The following YPEL4 variants were observed in gnomAD, a reference collection of about 807,000 sequenced individuals.
The protein encoded by YPEL4 is yippee like 4.
A neutral mutation model predicts 16.3 loss-of-function variants in YPEL4; 5 were observed. The observed-to-expected ratio is 0.31, with a 90% CI of 0.16 to 0.64. The LOEUF (loss-of-function observed/expected upper bound fraction) is 0.64. Ranked by LOEUF, YPEL4 falls within the 30% of genes least tolerant of loss-of-function variation. The probability of loss-of-function intolerance (pLI) is 0.79; values close to 1 mark genes in which losing one functional copy is unlikely to be tolerated. For missense variants in YPEL4, 127 were observed against 170.0 expected (o/e 0.75, Z 1.41); for synonymous variants, 61 against 60.7 (o/e 1.00, Z -0.02).
rs965376473 is a variant in YPEL4, at chr11:57,646,970, G to A, written c.138C>T (p.Ser46=). 6.3e-7 allele frequency: 1 copy of A among 1,576,176 alleles called. No homozygotes were observed. Among genetic ancestry groups the A allele is most frequent in the South Asian group, 1.1e-5 (1 of 87,134 alleles). ...GGCAGGTCCCCGCTTCGCGTACCTT[G>A]GAAATAAGCTCATCGTGTTTGGCCA... is the stretch of plus-strand genomic sequence containing the variant. ...AHLAKHDELI[S]KSFQGSHGRA... Residue 46 remains serine, a synonymous_variant, in exon 2 of 5, where the codon TCC becomes TCT. Coordinates refer to ENST00000300022, the MANE Select transcript of YPEL4 (RefSeq NM_145008.3).
rs1945742360 is a variant in YPEL4, at chr11:57,647,181, G to A, written c.-74C>T. The A allele has an allele frequency of 5.4e-6, 8 of 1,474,462 alleles. No homozygotes were observed. The South Asian group carries it at 9.7e-5, about 18-fold the overall frequency. 91.3% of individuals were successfully genotyped at this position (1,474,462 alleles called of 1,614,324 possible). A position where few individuals can be genotyped will look rare whatever the true frequency, so the allele number is the denominator to read the frequency against. ...GCAGCCCCCGCAGAGACGGTCGCAG[G>A]TGAAGCAGCGGAGCAGGTTGGCTAG... On this transcript the variant is annotated 5_prime_UTR_variant, in exon 2 of 5. Transcript: ENST00000300022. The surrounding 1 kb of genome is among the most constrained non-coding windows in gnomAD (Gnocchi z 4.2).
At chr11:57,646,237 TGCTTGAA>T in intron 4 of YPEL4, 53 bp downstream of exon 4, 1 of 1,594,048 alleles carries the variant, frequency 6.3e-7, no homozygotes, top group Non-Finnish European at 8.6e-7. Context: ...TGGTCACTGG[TGCTTGAA>T]GGGCCATGGG....
chr11:57,647,254 GCC>G lies in YPEL4; in HGVS notation c.-149_-148del. On this transcript the variant is annotated 5_prime_UTR_variant, in exon 2 of 5. Coordinates refer to ENST00000300022, the MANE Select transcript of YPEL4 (RefSeq NM_145008.3). The surrounding 1 kb of genome is among the most constrained non-coding windows in gnomAD (Gnocchi z 4.2). ...AGTGTTGGGGGGCTGCCCGGCCAGG[GCC>G]CCCCCAGACGAGAACCAGATAGAAA... The G allele has an allele frequency of 8.9e-7, 1 of 1,126,542 alleles. No individual in the cohort carries two copies. The highest frequency in any genetic ancestry group is 1.2e-6 in the Non-Finnish European group (1 of 828,780). The allele number at this position is 1,126,542 out of a possible 1,614,324, so 69.8% of individuals were successfully genotyped here. A position where few individuals can be genotyped will look rare whatever the true frequency, so the allele number is the denominator to read the frequency against.
Position 57,647,436 on chromosome 11 carries a change from GCCCTGTCCCCTGGAT to G in YPEL4, c.-184-160_-184-146del. On this transcript the variant is annotated intron_variant, in intron 1 of 4. Transcript: ENST00000300022. The surrounding 1 kb of genome is among the most constrained non-coding windows in gnomAD (Gnocchi z 4.2). ...CCCCACAGCATCCAGTTGCATTGTC[GCCCTGTCCCCTGGAT>G]CCCCATTCTGCTCTGGCAAACCTGG... The G allele has an allele frequency of 4.7e-6, 1 of 213,630 alleles. No individual in the cohort carries two copies. Among genetic ancestry groups the G allele is most frequent in the Non-Finnish European group, 9.2e-6 (1 of 108,496 alleles). 13.2% of individuals were successfully genotyped at this position (213,630 alleles called of 1,614,324 possible). A position where few individuals can be genotyped will look rare whatever the true frequency, so the allele number is the denominator to read the frequency against.
intron 3 of YPEL4, 122 bp from the exon 4 acceptor site, chr11:57,646,527 AC>A: frequency 7.9e-7 from 1 of 1,263,386 alleles, no homozygotes; most frequent in South Asian, 1.3e-5. Flanking sequence ...TTGATAATCC[AC>A]CCCTTTAAGA....
rs1945718672 is a variant in YPEL4 at position 57,645,384 on chromosome 11, A to G, written c.*597T>C. 3 of 153,450 alleles carry G rather than the reference A, an allele frequency of 2.0e-5. No homozygotes were observed. The highest frequency in any genetic ancestry group is 1.3e-4 in the Admixed American group (2 of 15,408). 9.5% of individuals were successfully genotyped at this position (153,450 alleles called of 1,614,324 possible). A position where few individuals can be genotyped will look rare whatever the true frequency, so the allele number is the denominator to read the frequency against. On this transcript the variant is annotated 3_prime_UTR_variant, in exon 5 of 5. Coordinates refer to ENST00000300022, the MANE Select transcript of YPEL4 (RefSeq NM_145008.3). ...CTCTTCAGTGCCAAGATAAACTAAC[A>G]AGTGGAGTGAAATGGAAAACCCTTT...
Position 57,645,183 on chromosome 11 carries a change from G to A in YPEL4, c.*798C>T, listed in dbSNP as rs999064734. On this transcript the variant is annotated 3_prime_UTR_variant, in exon 5 of 5. Transcript: ENST00000300022. ...CTGGTGGCAGCCACGGGAAAGACTG[G>A]CCCCGTAGCACTGATTTTCCACCTC... 1 of 152,162 alleles carries A rather than the reference G, an allele frequency of 6.6e-6. No homozygotes were observed. The highest frequency in any genetic ancestry group is 1.5e-5 in the Non-Finnish European group (1 of 68,026). The allele number at this position is 152,162 out of a possible 1,614,324, so 9.4% of individuals were successfully genotyped here.
rs1349188512 is a variant in YPEL4 at position 57,645,742 on chromosome 11, TC to T, written c.*238del. On this transcript the variant is annotated 3_prime_UTR_variant, in exon 5 of 5. Transcript: ENST00000300022. ...ACAGAAAGACCCACAACCATCCCTT[TC>T]CCCCAGTTCTGTCTCTCCCTGACTG... 4 of 529,292 alleles carry T rather than the reference TC, an allele frequency of 7.6e-6. No individual in the cohort carries two copies. The highest frequency in any genetic ancestry group is 2.7e-5 in the South Asian group (1 of 37,550). The allele number at this position is 529,292 out of a possible 1,614,324, so 32.8% of individuals were successfully genotyped here.
Position 57,645,674 on chromosome 11 carries a change from G to C in YPEL4, c.*307C>G. 1 of 371,650 alleles carries C rather than the reference G, an allele frequency of 2.7e-6. No individual in the cohort carries two copies. The highest frequency in any genetic ancestry group is 4.8e-5 in the South Asian group (1 of 20,896). 23.0% of individuals were successfully genotyped at this position (371,650 alleles called of 1,614,324 possible). ...ATTCCTCCCACAATCCTCTCTGCCT[G>C]AGTCTATGCCCTGCCATCGCTTCCA... On this transcript the variant is annotated 3_prime_UTR_variant, in exon 5 of 5. Coordinates refer to ENST00000300022, the MANE Select transcript of YPEL4 (RefSeq NM_145008.3).
Position 57,646,021 on chromosome 11 carries a change from A to G in YPEL4, c.344T>C (p.Ile115Thr). Residue 115 changes from isoleucine to threonine, a missense_variant, in exon 5 of 5, where the codon ATT (isoleucine) becomes ACT (threonine). Physicochemically the swap from Ile to Thr is moderately conservative, Grantham distance 89 (BLOSUM62 -1). Transcript: ENST00000300022. ...GTCCTTCACCATGTGTGACATTTCA[A>G]TGATGTATTTCCCTTCCTTGTACTT... ...SQKYKEGKYI[I>T]EMSHMVKDNG... The G allele has an allele frequency of 1.2e-6, 2 of 1,614,154 alleles. No homozygotes were observed. Among genetic ancestry groups the G allele is most frequent in the Non-Finnish European group, 1.7e-6 (2 of 1,180,030 alleles).
At chr11:57,646,826 A>G in intron 2 of YPEL4, 32 bp from the exon 3 acceptor site, 3 of 1,613,250 alleles carry the variant, frequency 1.9e-6, no homozygotes, top group Non-Finnish European at 2.5e-6. Flanking sequence ...AATGACTACC[A>G]AGCAGCCTTC....
At position 57,646,004 on chromosome 11, in the gene YPEL4, C is replaced by G. The variant is rs749020099; in HGVS notation, c.361G>C (p.Val121Leu). The change falls in exon 5 of 5, where the codon GTG (valine) becomes CTG (leucine). Residue 121 changes from valine to leucine, a missense_variant. Val to Leu is a conservative substitution (Grantham distance 32). Transcript: ENST00000300022. ...CCTCAGTCCCAGCCGTTGTCCTTCA[C>G]CATGTGTGACATTTCAATGATGTAT... ...GKYIIEMSHM[V>L]KDNGWD 6.2e-7 allele frequency: 1 copy of G among 1,614,158 alleles called. No homozygotes were observed. The highest frequency in any genetic ancestry group is 1.1e-5 in the South Asian group (1 of 91,080).
At chr11:57,649,027 G>C (rs1156629752) in intron 1 of YPEL4, 1 of 152,242 alleles carries the variant, frequency 6.6e-6, no homozygotes, top group African/African-American at 2.4e-5. Context: ...TGCACAGAAG[G>C]CCAGAGAATC....
In YPEL4 at chr11:57,647,036, G is replaced by A; in HGVS notation, c.72C>T (p.Arg24=). ...GGACACAGCTGTAAGTGCGGTGACA[G>A]CGGGGCAGATAGCTGCGGAAAGTCT... The part of the protein sequence containing the change: ...PTKTFRSYLP[R]CHRTYSCVHC... Residue 24 remains arginine, a synonymous_variant, in exon 2 of 5, where the codon CGC becomes CGT. Coordinates refer to ENST00000300022, the MANE Select transcript of YPEL4 (RefSeq NM_145008.3). This position sits in a 1 kb window ranked among gnomAD's most constrained non-coding sequence, Gnocchi z 4.2. The A allele has an allele frequency of 6.3e-7, 1 of 1,599,668 alleles. No individual in the cohort carries two copies. The highest frequency in any genetic ancestry group is 8.5e-7 in the Non-Finnish European group (1 of 1,174,274).
chr11:57,647,195 C>G lies in YPEL4; in HGVS notation c.-88G>C. ...GACGGTCGCAGGTGAAGCAGCGGAG[C>G]AGGTTGGCTAGAGCCGTGTTTCAGG... On this transcript the variant is annotated 5_prime_UTR_variant, in exon 2 of 5. Transcript: ENST00000300022. This position sits in a 1 kb window ranked among gnomAD's most constrained non-coding sequence, Gnocchi z 4.2. The G allele has an allele frequency of 6.9e-7, 1 of 1,458,914 alleles. No homozygotes were observed. The highest frequency in any genetic ancestry group is 9.0e-7 in the Non-Finnish European group (1 of 1,104,996). The allele number at this position is 1,458,914 out of a possible 1,614,324, so 90.4% of individuals were successfully genotyped here. A position where few individuals can be genotyped will look rare whatever the true frequency, so the allele number is the denominator to read the frequency against.
In YPEL4 at chr11:57,645,912, A is replaced by T; in HGVS notation, c.*69T>A. The T allele has an allele frequency of 2.0e-6, 3 of 1,529,290 alleles. No homozygotes were observed. The South Asian group carries it at 3.4e-5, about 17-fold the overall frequency. The allele number at this position is 1,529,290 out of a possible 1,614,324, so 94.7% of individuals were successfully genotyped here. ...GGGGTGGGGCAGTACTCATGCTGGT[A>T]TAGACTGCTTGGCAGGGCCGTGGGG... On this transcript the variant is annotated 3_prime_UTR_variant, in exon 5 of 5. Transcript: ENST00000300022.
Position 57,647,173 on chromosome 11 carries a change from G to A in YPEL4, c.-66C>T, listed in dbSNP as rs555492094. ...GGCGCCGTGCAGCCCCCGCAGAGAC[G>A]GTCGCAGGTGAAGCAGCGGAGCAGG... On this transcript the variant is annotated 5_prime_UTR_variant, in exon 2 of 5. Transcript: ENST00000300022. This position sits in a 1 kb window ranked among gnomAD's most constrained non-coding sequence, Gnocchi z 4.2. 5.4e-6 allele frequency: 8 copies of A among 1,481,374 alleles called. No individual in the cohort carries two copies. The highest frequency in any genetic ancestry group is 1.4e-5 in the African/African-American group (1 of 70,332). The allele number at this position is 1,481,374 out of a possible 1,614,324, so 91.8% of individuals were successfully genotyped here.
At position 57,647,255 on chromosome 11, in the gene YPEL4, C is replaced by T. The variant is rs1434774031; in HGVS notation, c.-148G>A. On this transcript the variant is annotated 5_prime_UTR_variant, in exon 2 of 5. Coordinates refer to ENST00000300022, the MANE Select transcript of YPEL4 (RefSeq NM_145008.3). The surrounding 1 kb of genome is among the most constrained non-coding windows in gnomAD (Gnocchi z 4.2). ...GTGTTGGGGGGCTGCCCGGCCAGGG[C>T]CCCCCCAGACGAGAACCAGATAGAA... 6.5e-6 allele frequency: 7 copies of T among 1,070,548 alleles called. No homozygotes were observed. The East Asian group carries it at 8.6e-5, about 13-fold the overall frequency. 66.3% of individuals were successfully genotyped at this position (1,070,548 alleles called of 1,614,324 possible). A position where few individuals can be genotyped will look rare whatever the true frequency, so the allele number is the denominator to read the frequency against.
At chr11:57,646,222 T>A in intron 4 of YPEL4, 75 bp downstream of exon 4, 1 of 1,585,152 alleles carries the variant, frequency 6.3e-7, no homozygotes, top group Non-Finnish European at 8.6e-7. Context: ...AGGAAGGACC[T>A]GACATGGTCA....
Sources: gnomAD v4.1 joint callset for allele counts on GRCh38, gnomAD v4.1.1 for gene constraint, Gnocchi (gnomAD v3.1) non-coding constraint, MANE v1.5 for transcripts, NCBI Gene and HGNC (gene_info 2026-07-23, HGNC 2026-07-21) for gene names.